Variants in DCC observed in about 807,000 individuals in gnomAD.
DCC encodes netrin receptor DCC.
Under a neutral mutation model 172.5 loss-of-function variants are expected in DCC, and 58 were observed. The ratio of observed to expected loss-of-function variants is 0.34; its 90% CI spans 0.27 to 0.42. The LOEUF (loss-of-function observed/expected upper bound fraction) is 0.42, where lower values mean the gene tolerates loss of function less well. Among genes scored for constraint, DCC ranks in the 10% least tolerant of loss-of-function variants. The probability of loss-of-function intolerance (pLI) is 1.00; values close to 1 mark genes in which losing one functional copy is unlikely to be tolerated. For synonymous variants in DCC, 709 were observed against 644.5 expected, an observed-to-expected ratio of 1.10 and a Z score of -1.52; for missense variants, 1,740 against 1,791.0, an observed-to-expected ratio of 0.97 and a Z score of 0.51.
rs1435112619 is a variant in DCC at position 53,517,372 on chromosome 18, G to A, written c.4112-9245G>A. 2.2e-4 allele frequency among the ~76,000 whole-genome samples: 34 copies of A among 151,466 alleles called. No individual in the cohort carries two copies. The Middle Eastern group carries it at 0.014, about 61-fold the overall frequency. On this transcript the variant is annotated intron_variant, in intron 27 of 28. Coordinates refer to ENST00000442544, the MANE Select transcript of DCC (RefSeq NM_005215.4). ...TAGATGACGAGTTAGTGGGTGCAGC[G>A]CACCAGCATGGCACATGTATACATA...
chr18:52,871,959 C>T (rs2039326761), intron 2 of DCC, among the ~76,000 whole-genome samples: 4 of 152,066 alleles, frequency 2.6e-5, no homozygotes. Context: ...TCCTGGGTTA[C>T]CTTAACTGTG....
At chr18:52,684,503 T>C (rs917600109) in intron 1 of DCC, among the ~76,000 whole-genome samples, 2 of 152,036 alleles carry the variant, frequency 1.3e-5, no homozygotes, top group Admixed American at 1.3e-4. Context: ...TCCCTTTGTG[T>C]GGTGATCGTA....
chr18:53,320,293 C>T (rs1179470844), intron 13 of DCC, among the ~76,000 whole-genome samples: 2 of 152,078 alleles, frequency 1.3e-5, no homozygotes, highest in Non-Finnish European at 2.9e-5. Flanking sequence ...AGGATGGTCT[C>T]GATCTCCTGA....
chr18:52,883,371 TGTGTGTGTGTGTGTGTGTGTGA>T (rs762991723), intron 2 of DCC, among the ~76,000 whole-genome samples: 18 of 124,830 alleles, frequency 1.4e-4, no homozygotes, highest in Non-Finnish European at 2.4e-4. Flanking sequence ...TGTGTGTGTG[TGTGTGTGTGTGTGTGTGTGTGA>T]GATCTCTTTC....
chr18:52,592,110 C>CATTA (rs1568245003), intron 1 of DCC, among the ~76,000 whole-genome samples: 1 of 151,968 alleles, frequency 6.6e-6, no homozygotes, highest in East Asian at 1.9e-4. Flanking sequence ...TCTGTTTTTA[C>CATTA]TTTTGCCATT....
chr18:52,460,671 C>A (rs1211583179), intron 1 of DCC, among the ~76,000 whole-genome samples: 3 of 152,160 alleles, frequency 2.0e-5, no homozygotes, highest in African/African-American at 4.8e-5. Flanking sequence ...TCCTAGGCTA[C>A]ACATGTGTAC....
At chr18:52,522,574 T>C (rs992246350) in intron 1 of DCC, among the ~76,000 whole-genome samples, 2 of 152,194 alleles carry the variant, frequency 1.3e-5, no homozygotes, top group Non-Finnish European at 1.5e-5. Flanking sequence ...ATCAAAAGTA[T>C]CCTATTTTTA....
At chr18:53,362,770 G>C (rs2057961610) in intron 15 of DCC, among the ~76,000 whole-genome samples, 1 of 151,956 alleles carries the variant, frequency 6.6e-6, no homozygotes, top group Admixed American at 6.6e-5. Flanking sequence ...AAACAAGAAG[G>C]GACCCTTCCA....
chr18:52,564,746 C>A (rs1026867410), intron 1 of DCC, among the ~76,000 whole-genome samples: 3 of 151,066 alleles, frequency 2.0e-5, no homozygotes, highest in Non-Finnish European at 2.9e-5. Flanking sequence ...TACCTGTATA[C>A]AAATACATAA....
At chr18:52,776,700 A>T (rs1033223213) in intron 2 of DCC, among the ~76,000 whole-genome samples, 1 of 151,742 alleles carries the variant, frequency 6.6e-6, no homozygotes, top group Admixed American at 6.6e-5. Flanking sequence ...TAAAAGTTTC[A>T]GAGAAAAACG....
intron 1 of DCC, among the ~76,000 whole-genome samples, chr18:52,594,358 G>T (rs1469853553): frequency 3.3e-5 from 5 of 152,076 alleles, no homozygotes; most frequent in Non-Finnish European, 5.9e-5. Flanking sequence ...ATTTTTCCAA[G>T]CCCAGTATCC....
intron 12 of DCC, among the ~76,000 whole-genome samples, chr18:53,270,683 A>G (rs2056738732): frequency 6.6e-6 from 1 of 152,148 alleles, no homozygotes; most frequent in African/African-American, 2.4e-5. Context: ...CCTCGATACC[A>G]TATGGCACAT....
chr18:53,268,674 A>G (rs564562681), intron 12 of DCC, among the ~76,000 whole-genome samples: 2 of 152,166 alleles, frequency 1.3e-5, no homozygotes, highest in African/African-American at 4.8e-5. Flanking sequence ...CAAGTTTAAA[A>G]TGGCAATGTT....
intron 2 of DCC, among the ~76,000 whole-genome samples, chr18:52,870,115 G>C (rs906405217): frequency 6.6e-6 from 1 of 152,180 alleles, no homozygotes; most frequent in African/African-American, 2.4e-5. Context: ...GGCTCTCGGG[G>C]GTGGGGCTCC....
chr18:53,168,562 T>C lies in DCC; in HGVS notation c.1419-10400T>C, dbSNP rs2054961173. Among the ~76,000 whole-genome samples, 2 of 8,884 alleles carry C rather than the reference T, an allele frequency of 2.3e-4. 1 individual carries two copies. Among genetic ancestry groups the C allele is most frequent in the South Asian group, 7.2e-3 (2 of 276 alleles). 5.8% of individuals were successfully genotyped at this position (8,884 alleles called of 152,430 possible). ...GGGGAACATCACACACTGGGGTCTG[T>C]CTGGGGGCGGGCGGGGGGGCTAGGG... is the stretch of plus-strand genomic sequence containing the variant. On this transcript the variant is annotated intron_variant, in intron 8 of 28. Transcript: ENST00000442544.
At chr18:53,467,479 T>C (rs2045635913) in intron 24 of DCC, among the ~76,000 whole-genome samples, 2 of 152,294 alleles carry the variant, frequency 1.3e-5, no homozygotes, top group South Asian at 4.1e-4. Context: ...GAATGAATTC[T>C]AGTAAATTAA....
chr18:53,486,998 T>C (rs1351842524), intron 26 of DCC, 40 bp downstream of exon 26: 1 of 1,612,692 alleles, frequency 6.2e-7, no homozygotes, highest in Non-Finnish European at 8.5e-7. Context: ...CACAAATGAA[T>C]AATAGCAAAG....
At chr18:53,131,279 C>T (rs1377361434) in intron 7 of DCC, among the ~76,000 whole-genome samples, 1 of 151,930 alleles carries the variant, frequency 6.6e-6, no homozygotes, top group Non-Finnish European at 1.5e-5. Context: ...TCAAGAAGGG[C>T]TTTGAAAACC....
At chr18:52,545,069 A>G (rs2032574427) in intron 1 of DCC, among the ~76,000 whole-genome samples, 2 of 152,320 alleles carry the variant, frequency 1.3e-5, no homozygotes, top group South Asian at 2.1e-4. Context: ...TAAGAAACCA[A>G]CGGAACATCC....
Sources: allele counts gnomAD v4.1 joint callset (sites outside exome capture counted in the v4.1 genomes callset), GRCh38; gene constraint gnomAD v4.1.1; transcripts MANE v1.5; gene names NCBI Gene and HGNC (gene_info 2026-07-23, HGNC 2026-07-21).